RNGTT: variants seen among roughly 807,000 people sequenced by gnomAD.
RNGTT encodes the protein RNA guanylyltransferase and 5'-phosphatase, also known as mRNA-capping enzyme.
A neutral mutation model predicts 79.3 loss-of-function variants in RNGTT; 33 were observed. That is an observed-to-expected ratio of 0.42 (90% confidence interval 0.32 to 0.56). RNGTT has a LOEUF of 0.56. Ranked by LOEUF, RNGTT falls within the 20% of genes least tolerant of loss-of-function variation. The pLI is 0.17. For missense variants in RNGTT, 497 were observed against 739.1 expected (o/e 0.67, Z 3.80); for synonymous variants, 222 against 235.9 (o/e 0.94, Z 0.54).
In RNGTT at chr6:88,844,513, G is replaced by A. The variant is rs200239120; in HGVS notation, c.1113C>T (p.Pro371=). ...GAACATTAAAATCACAATCTCCAAC[G>A]GGCTGTGACTGAATTAAATAAAGAA... ...IYDIIKFNSQ[P]VGDCDFNVRL... Residue 371 remains proline, a synonymous_variant, in exon 11 of 16, where the codon CCC becomes CCT. Coordinates refer to ENST00000369485, the MANE Select transcript of RNGTT (RefSeq NM_003800.5). The A allele has an allele frequency of 6.3e-5, 101 of 1,599,908 alleles. No homozygotes were observed. Among genetic ancestry groups the A allele is most frequent in the East Asian group, 5.4e-4 (24 of 44,788 alleles).
chr6:88,914,800 T>C (rs1367123047), intron 4 of RNGTT, among the ~76,000 whole-genome samples: 1 of 152,186 alleles, frequency 6.6e-6, no homozygotes, highest in Non-Finnish European at 1.5e-5. Flanking sequence ...AAAGAGCTTC[T>C]GCACAGCAAA....
At chr6:88,802,483 T>C (rs1002242870) in intron 11 of RNGTT, among the ~76,000 whole-genome samples, 1 of 152,226 alleles carries the variant, frequency 6.6e-6, no homozygotes, top group African/African-American at 2.4e-5. Context: ...ATATCACTGA[T>C]GGAGGCCTGA....
Position 88,806,005 on chromosome 6 carries a change from A to AC in RNGTT, c.1270-4374dup, listed in dbSNP as rs1315158798. ...CATAGAACAGGCTGATTCAACCACTACCCCTCCCCACCCACAAATGAAGCC... is the reference window on the plus strand; with the variant it reads ...CATAGAACAGGCTGATTCAACCACTACCCCCTCCCCACCCACAAATGAAGCC... On this transcript the variant is annotated intron_variant, in intron 11 of 15. Transcript: ENST00000369485. 7.9e-5 allele frequency among the ~76,000 whole-genome samples: 12 copies of AC among 152,044 alleles called. No homozygotes were observed. In the East Asian group the frequency reaches 2.3e-3, roughly 29 times the overall value.
At chr6:88,746,031 T>C (rs1325115533) in intron 13 of RNGTT, among the ~76,000 whole-genome samples, 4 of 152,100 alleles carry the variant, frequency 2.6e-5, no homozygotes, top group East Asian at 3.9e-4. Context: ...TACAAGGGCA[T>C]AGCCTGGGTT....
At chr6:88,829,441 T>A (rs1427098742) in intron 11 of RNGTT, among the ~76,000 whole-genome samples, 1 of 151,948 alleles carries the variant, frequency 6.6e-6, no homozygotes, top group Non-Finnish European at 1.5e-5. Context: ...GTAAAGACCA[T>A]CGACACTATG....
At chr6:88,646,860 G>T (rs980680293) in intron 14 of RNGTT, among the ~76,000 whole-genome samples, 3 of 151,918 alleles carry the variant, frequency 2.0e-5, no homozygotes, top group Admixed American at 6.6e-5. Flanking sequence ...GGGGGAGTGG[G>T]GAGGGATAGC....
intron 8 of RNGTT, among the ~76,000 whole-genome samples, chr6:88,860,670 T>C (rs1036961565): frequency 1.2e-4 from 19 of 152,122 alleles, no homozygotes; most frequent in Admixed American, 1.3e-4. Flanking sequence ...CCAAAGTTGA[T>C]TTCTATTGCT....
At chr6:88,754,881 A>C (rs1304738350) in intron 13 of RNGTT, among the ~76,000 whole-genome samples, 3 of 152,224 alleles carry the variant, frequency 2.0e-5, no homozygotes, top group African/African-American at 7.2e-5. Flanking sequence ...GTTAATCTAT[A>C]ATCTATAGAA....
intron 8 of RNGTT, among the ~76,000 whole-genome samples, chr6:88,870,848 C>T (rs1782330030): frequency 6.6e-6 from 1 of 152,100 alleles, no homozygotes; most frequent in South Asian, 2.1e-4. Flanking sequence ...AAATAGATGT[C>T]CAATGCACTG....
intron 6 of RNGTT, among the ~76,000 whole-genome samples, chr6:88,892,394 A>C (rs1438105177): frequency 1.3e-5 from 2 of 152,116 alleles, no homozygotes; most frequent in Non-Finnish European, 2.9e-5. Context: ...CTGTGTTACT[A>C]TGAATGAAGT....
intron 9 of RNGTT, among the ~76,000 whole-genome samples, chr6:88,851,183 A>T (rs545847774): frequency 2.0e-5 from 3 of 151,240 alleles, no homozygotes; most frequent in Non-Finnish European, 3.0e-5. Context: ...AATTTTTTTT[A>T]AAAAAAGAAC....
intron 2 of RNGTT, among the ~76,000 whole-genome samples, chr6:88,936,877 C>A (rs1402585793): frequency 6.6e-6 from 1 of 152,166 alleles, no homozygotes; most frequent in Non-Finnish European, 1.5e-5. Context: ...GTGAAGGCAT[C>A]CGGTCCTAGA....
chr6:88,678,093 C>A, intron 14 of RNGTT: 1 of 337,078 alleles, frequency 3.0e-6, no homozygotes, highest in Non-Finnish European at 4.4e-6. Flanking sequence ...CTTAAGTGAT[C>A]TTCCCACCTC....
intron 14 of RNGTT, among the ~76,000 whole-genome samples, chr6:88,614,787 C>A (rs1310502750): frequency 1.3e-5 from 2 of 152,142 alleles, no homozygotes; most frequent in Non-Finnish European, 2.9e-5. Flanking sequence ...GTCTAACCAT[C>A]TAAATTCCTA....
In RNGTT at chr6:88,934,052, C is replaced by T. The variant is rs149247969; in HGVS notation, c.175-4785G>A. 2.6e-5 allele frequency among the ~76,000 whole-genome samples: 4 copies of T among 152,154 alleles called. No homozygotes were observed. The East Asian group carries it at 7.7e-4, about 29-fold the overall frequency. ...TTGTTTTGTTTTTTTGAGAGAGAGA[C>T]AGGGTTTTGCTCTGCCACCCAGGCT... On this transcript the variant is annotated intron_variant, in intron 2 of 15. Coordinates refer to ENST00000369485, the MANE Select transcript of RNGTT (RefSeq NM_003800.5).
At chr6:88,933,847 GATAA>G (rs1212207799) in intron 2 of RNGTT, among the ~76,000 whole-genome samples, 3 of 151,860 alleles carry the variant, frequency 2.0e-5, no homozygotes, top group Admixed American at 1.3e-4. Context: ...TGTTCCTTTG[GATAA>G]ATACTCAGTA....
intron 9 of RNGTT, 73 bp downstream of exon 9, chr6:88,853,556 A>T: frequency 9.2e-7 from 1 of 1,083,380 alleles, no homozygotes; most frequent in Non-Finnish European, 1.3e-6. Flanking sequence ...TAACCAACAG[A>T]AATACACATT....
chr6:88,706,200 T>C (rs567662149), intron 13 of RNGTT, among the ~76,000 whole-genome samples: 3 of 152,154 alleles, frequency 2.0e-5, no homozygotes, highest in African/African-American at 7.2e-5. Context: ...TATGCATCAA[T>C]GAGATAAGTA....
At chr6:88,701,918 T>TGTATTTG (rs962978520) in intron 13 of RNGTT, among the ~76,000 whole-genome samples, 1 of 151,976 alleles carries the variant, frequency 6.6e-6, no homozygotes, top group Non-Finnish European at 1.5e-5. Context: ...ACACCAACAA[T>TGTATTTG]GCTCGAGATG....
Sources: allele counts gnomAD v4.1 joint callset (sites outside exome capture counted in the v4.1 genomes callset), GRCh38; gene constraint gnomAD v4.1.1; transcripts MANE v1.5; gene names NCBI Gene and HGNC (gene_info 2026-07-23, HGNC 2026-07-21).